MAPK8: variants seen among roughly 807,000 people sequenced by gnomAD.
The protein encoded by MAPK8 is JUN N-terminal kinase.
MAPK8 carries 13 observed loss-of-function variants against 52.9 expected under a neutral mutation model. That is an observed-to-expected ratio of 0.25 (90% confidence interval 0.16 to 0.39). MAPK8 has a LOEUF of 0.39. MAPK8 is among the 10% of genes least tolerant of loss of function. The pLI, the probability that MAPK8 is intolerant of heterozygous loss-of-function variation, is 1.00. For missense variants in MAPK8, 300 were observed against 519.2 expected (o/e 0.58, Z 4.10); for synonymous variants, 191 against 169.8 (o/e 1.12, Z -0.97).
At chr10:48,385,248 G>T (rs2041241275) in intron 1 of MAPK8, among the ~76,000 whole-genome samples, 1 of 151,992 alleles carries the variant, frequency 6.6e-6, no homozygotes, top group African/African-American at 2.4e-5. Context: ...TAATTTAAAG[G>T]GGCTCGAATT....
intron 1 of MAPK8, among the ~76,000 whole-genome samples, chr10:48,356,653 C>G (rs1846973501): frequency 6.6e-6 from 1 of 151,668 alleles, no homozygotes; most frequent in African/African-American, 2.4e-5. Flanking sequence ...ACCAGCCTGG[C>G]CAACATGGTG....
intron 1 of MAPK8, among the ~76,000 whole-genome samples, chr10:48,308,924 T>A (rs1841672563): frequency 6.6e-6 from 1 of 152,214 alleles, no homozygotes; most frequent in Non-Finnish European, 1.5e-5. Context: ...GTTTTGTATT[T>A]GAAAGAATAT....
chr10:48,325,927 C>T (rs1843473519), intron 1 of MAPK8: 1 of 152,148 alleles, frequency 6.6e-6, no homozygotes, highest in Non-Finnish European at 1.5e-5. Context: ...GAAGGAAAAT[C>T]ACAGAGGTAA....
chr10:48,380,463 G>A lies in MAPK8; in HGVS notation c.-49-21149G>A, dbSNP rs190765186. The stretch of plus-strand genomic sequence containing the variant: ...AACACTAGATATGGCCGGGCGTGGT[G>A]GCTGACACCTGTAATCCCAGCACTT... On this transcript the variant is annotated intron_variant, in intron 1 of 11. Coordinates refer to ENST00000374189, the MANE Select transcript of MAPK8 (RefSeq NM_001323329.2). 1.6e-4 allele frequency among the ~76,000 whole-genome samples: 25 copies of A among 152,272 alleles called. 1 individual carries two copies. Among genetic ancestry groups the A allele is most frequent in the Admixed American group, 1.6e-3 (25 of 15,296 alleles).
chr10:48,356,512 C>A (rs1030951834), intron 1 of MAPK8, among the ~76,000 whole-genome samples: 1 of 152,032 alleles, frequency 6.6e-6, no homozygotes, highest in Admixed American at 6.6e-5. Flanking sequence ...ATGAATTAAG[C>A]CCCAATTAGT....
intron 11 of MAPK8, among the ~76,000 whole-genome samples, chr10:48,434,513 A>T (rs2044674129): frequency 6.6e-6 from 1 of 152,202 alleles, no homozygotes; most frequent in South Asian, 2.1e-4. Context: ...CTCTGTCCAA[A>T]AAAAGGCATT....
intron 10 of MAPK8, chr10:48,430,821 G>T (rs2044164374): frequency 4.3e-6 from 1 of 232,556 alleles, no homozygotes; most frequent in East Asian, 1.5e-4. Flanking sequence ...ATGGAAGTCA[G>T]TAAGACACGT....
chr10:48,342,382 G>A (rs556947153), intron 1 of MAPK8, among the ~76,000 whole-genome samples: 7 of 152,148 alleles, frequency 4.6e-5, no homozygotes, highest in African/African-American at 1.7e-4. Context: ...TGGAATTACA[G>A]CCATGAGCCA....
intron 1 of MAPK8, among the ~76,000 whole-genome samples, chr10:48,376,287 A>G (rs990669881): frequency 6.6e-6 from 1 of 152,232 alleles, no homozygotes; most frequent in African/African-American, 2.4e-5. Flanking sequence ...TAAAAATCCT[A>G]GAGGAAAACC....
chr10:48,357,045 C>T (rs944467294), intron 1 of MAPK8, among the ~76,000 whole-genome samples: 7 of 151,860 alleles, frequency 4.6e-5, no homozygotes, highest in Admixed American at 1.3e-4. Flanking sequence ...TGGGAAAATA[C>T]GATTGTAAAT....
At chr10:48,325,419 G>C (rs1843417151) in intron 1 of MAPK8, among the ~76,000 whole-genome samples, 1 of 152,094 alleles carries the variant, frequency 6.6e-6, no homozygotes, top group African/African-American at 2.4e-5. Context: ...ATTTGGAGTA[G>C]TCATCTTCAA....
At chr10:48,379,771 T>C (rs1295001631) in intron 1 of MAPK8, among the ~76,000 whole-genome samples, 3 of 152,128 alleles carry the variant, frequency 2.0e-5, no homozygotes, top group Non-Finnish European at 4.4e-5. Flanking sequence ...CATCAGTTTT[T>C]TATTCGAATT....
intron 1 of MAPK8, among the ~76,000 whole-genome samples, chr10:48,359,784 G>A (rs1006060404): frequency 6.6e-6 from 1 of 152,074 alleles, no homozygotes; most frequent in Non-Finnish European, 1.5e-5. Context: ...ATACCTCTAT[G>A]TAAAAGCCAA....
chr10:48,421,405 T>G (rs58419448), intron 6 of MAPK8, among the ~76,000 whole-genome samples: 3,457 of 152,290 alleles, frequency 0.023, 144 homozygotes, highest in African/African-American at 0.079. Flanking sequence ...TGCTTTTGCA[T>G]TTGCTGTAAT....
chr10:48,333,234 A>C (rs1844322676), intron 1 of MAPK8, among the ~76,000 whole-genome samples: 1 of 152,240 alleles, frequency 6.6e-6, no homozygotes, highest in Non-Finnish European at 1.5e-5. Context: ...ATCTTTTTCT[A>C]GTAATACAGC....
intron 10 of MAPK8, chr10:48,430,535 T>A (rs1206146982): frequency 6.6e-6 from 1 of 152,460 alleles, no homozygotes; most frequent in African/African-American, 2.4e-5. Context: ...CCAGTGTGTC[T>A]CTTCAGTTGG....
intron 2 of MAPK8, 67 bp from the exon 3 acceptor site, chr10:48,404,783 GTT>G: frequency 7.9e-7 from 1 of 1,269,172 alleles, no homozygotes; most frequent in Non-Finnish European, 1.1e-6. Context: ...GTATATGACT[GTT>G]TCATGAATTC....
intron 1 of MAPK8, among the ~76,000 whole-genome samples, chr10:48,340,579 T>C (rs1845160128): frequency 6.6e-6 from 1 of 152,202 alleles, no homozygotes; most frequent in African/African-American, 2.4e-5. Context: ...AAATATAATT[T>C]TCACTATAAA....
intron 6 of MAPK8, among the ~76,000 whole-genome samples, chr10:48,423,310 A>C (rs1421996159): frequency 3.3e-5 from 5 of 152,200 alleles, no homozygotes; most frequent in Non-Finnish European, 7.3e-5. Flanking sequence ...GAACTGACTT[A>C]CTGTATCTAG....
Sources: allele counts gnomAD v4.1 joint callset (sites outside exome capture counted in the v4.1 genomes callset), GRCh38; gene constraint gnomAD v4.1.1; transcripts MANE v1.5; gene names NCBI Gene and HGNC (gene_info 2026-07-23, HGNC 2026-07-21).